The following FGB variants were observed in gnomAD, a reference collection of about 807,000 sequenced individuals.
FGB encodes the protein beta-fibrinogen.
FGB carries 25 observed loss-of-function variants against 57.9 expected under a neutral mutation model. The ratio of observed to expected loss-of-function variants is 0.43; its 90% CI spans 0.31 to 0.60. The LOEUF (loss-of-function observed/expected upper bound fraction) is 0.60. FGB is among the 20% of genes least tolerant of loss of function. FGB has a pLI of 0.08. For missense variants in FGB, 536 were observed against 598.4 expected, an observed-to-expected ratio of 0.90 and a Z score of 1.09; for synonymous variants, 203 against 199.2, an observed-to-expected ratio of 1.02 and a Z score of -0.16.
In FGB at chr4:154,566,517, T is replaced by C. The variant is rs779413540; in HGVS notation, c.335T>C (p.Leu112Ser). The change falls in exon 3 of 8, where the codon TTG becomes TCG. Residue 112 changes from leucine to serine, a missense_variant. This residue lies in a region of FGB where 354 missense variants were observed against 383.4 expected (regional missense o/e 0.92). Coordinates refer to ENST00000302068, the MANE Select transcript of FGB (RefSeq NM_005141.5). ...GTGTTGTGTCCTACAGGATGTCAGT[T>C]GCAAGAGGCTTTGCTACAACAGGAA... ...LGVLCPTGCQ[L>S]QEALLQQERP... is the part of the protein sequence containing the mutation. The C allele has an allele frequency of 3.1e-6, 5 of 1,614,170 alleles. No individual in the cohort carries two copies. The highest frequency in any genetic ancestry group is 1.6e-4 in the Middle Eastern group (1 of 6,062).
chr4:154,563,727 C>G (rs997473752), intron 1 of FGB, among the ~76,000 whole-genome samples: 5 of 151,754 alleles, frequency 3.3e-5, no homozygotes, highest in Non-Finnish European at 7.4e-5. Flanking sequence ...ACGGTTCAGT[C>G]TAATTTATTT....
At chr4:154,563,181 A>G in intron 1 of FGB, 49 bp downstream of exon 1, 1 of 777,914 alleles carries the variant, frequency 1.3e-6, no homozygotes, top group South Asian at 1.6e-5. Context: ...TATTAATATA[A>G]GATGTAACAT....
chr4:154,568,998 A>G (rs1432902647), intron 5 of FGB, among the ~76,000 whole-genome samples, 184 bp from the exon 6 acceptor site: 1 of 152,246 alleles, frequency 6.6e-6, no homozygotes, highest in African/African-American at 2.4e-5. Context: ...TTGGGGTAAG[A>G]TAAAGCACTT....
In FGB at chr4:154,571,705, A is replaced by G. The variant is rs943646608; in HGVS notation, c.*1055A>G. On this transcript the variant is annotated 3_prime_UTR_variant, in exon 8 of 8. Transcript: ENST00000302068. ...TTCATAGTTACACCAGAACTAAAGT[A>G]AAAGTGGTTTTTCTGTTCTTTCTAC... Among the ~76,000 whole-genome samples, 4 of 152,178 alleles carry G rather than the reference A, an allele frequency of 2.6e-5. No homozygotes were observed. The highest frequency in any genetic ancestry group is 5.9e-5 in the Non-Finnish European group (4 of 68,044).
chr4:154,565,600 A>G (rs1730121407), intron 1 of FGB: 3 of 588,336 alleles, frequency 5.1e-6, no homozygotes, highest in Admixed American at 3.0e-5. Context: ...ACTACACTGC[A>G]TCATAGCTTT....
rs1023711098 is a variant in FGB, at chr4:154,563,225, CA to C, written c.114+94del. The C allele has an allele frequency of 7.1e-5, 45 of 632,802 alleles. No homozygotes were observed. In the African/African-American group the frequency reaches 7.3e-4, roughly 10 times the overall value. 39.2% of individuals were successfully genotyped at this position (632,802 alleles called of 1,614,324 possible). A position where few individuals can be genotyped will look rare whatever the true frequency, so the allele number is the denominator to read the frequency against. On this transcript the variant is annotated intron_variant, in intron 1 of 7. Transcript: ENST00000302068. ...TATGTGCTTATTTTAATGAAATTAG[CA>C]TTGCTTATAGTTATGAAATGGAATT...
At chr4:154,564,757 T>G (rs557155947) in intron 1 of FGB, among the ~76,000 whole-genome samples, 1 of 144,414 alleles carries the variant, frequency 6.9e-6, no homozygotes, top group African/African-American at 2.5e-5. Context: ...GTATAGCTAC[T>G]GACAAAAAAA....
chr4:154,570,868 G>A lies in FGB; in HGVS notation c.*218G>A. 1.7e-6 allele frequency: 1 copy of A among 578,354 alleles called. No homozygotes were observed. Among genetic ancestry groups the A allele is most frequent in the Non-Finnish European group, 3.1e-6 (1 of 322,642 alleles). 35.8% of individuals were successfully genotyped at this position (578,354 alleles called of 1,614,324 possible). ...CTCACCAAGAAGTAACAAAAGTATAGTTTTGACAGAGTTGGTGTTCATAAT... is the reference window on the plus strand; with the variant it reads ...CTCACCAAGAAGTAACAAAAGTATAATTTTGACAGAGTTGGTGTTCATAAT... On this transcript the variant is annotated 3_prime_UTR_variant, in exon 8 of 8. Coordinates refer to ENST00000302068, the MANE Select transcript of FGB (RefSeq NM_005141.5).
rs1578782100 is a variant in FGB, at chr4:154,565,873, G to A, written c.180G>A (p.Arg60=). ...DKKREEAPSL[R]PAPPPISGGG... ...AGAGAGAAGAGGCTCCCAGCCTGAG[G>A]CCTGCCCCACCGCCCATCAGTGGAG... Residue 60 remains arginine, a synonymous_variant, in exon 2 of 8, where the codon AGG becomes AGA. Transcript: ENST00000302068. 6.2e-7 allele frequency: 1 copy of A among 1,614,158 alleles called. No homozygotes were observed. Among genetic ancestry groups the A allele is most frequent in the South Asian group, 1.1e-5 (1 of 91,078 alleles).
intron 1 of FGB, among the ~76,000 whole-genome samples, chr4:154,563,536 T>C (rs1578780607): frequency 1.3e-5 from 2 of 151,978 alleles, no homozygotes. Context: ...GGTAGGTAGA[T>C]TGTTCTTTGG....
In FGB at chr4:154,565,974, G is replaced by C; in HGVS notation, c.281G>C (p.Gly94Ala). Residue 94 changes from glycine (G) to alanine (A), a missense_variant, in exon 2 of 8, where the codon GGC (glycine) becomes GCC (alanine). Physicochemically the swap from Gly to Ala is moderately conservative, Grantham distance 60. Coordinates refer to ENST00000302068, the MANE Select transcript of FGB (RefSeq NM_005141.5). ...KVERKAPDAG[G>A]CLHADPDLGV... The stretch of plus-strand genomic sequence containing the variant: ...GAAAGAAAAGCCCCTGATGCTGGAG[G>C]CTGTCTTCACGCTGACCCAGACCTG... The C allele has an allele frequency of 6.2e-7, 1 of 1,613,684 alleles. No individual in the cohort carries two copies. Among genetic ancestry groups the C allele is most frequent in the Non-Finnish European group, 8.5e-7 (1 of 1,179,992 alleles).
chr4:154,570,607 G>A lies in FGB; in HGVS notation c.1433G>A (p.Arg478Lys), dbSNP rs4220. The A allele has an allele frequency of 0.17, 274,993 of 1,613,606 alleles. 24,434 individuals carry two copies. Among genetic ancestry groups the A allele is most frequent in the Middle Eastern group, 0.21 (1,290 of 6,060 alleles). The change falls in exon 8 of 8, where the codon AGG becomes AAG. Residue 478 changes from arginine (R) to lysine (K), a missense_variant. Arg to Lys is a conservative substitution (Grantham distance 26, BLOSUM62 2). Transcript: ENST00000302068. ...TGGAAGGGGTCATGGTACTCAATGA[G>A]GAAGATGAGTATGAAGATCAGGCCC... The part of the protein sequence containing the change: ...MNWKGSWYSM[R>K]KMSMKIRPFF...
chr4:154,569,493 T>C (rs747547899), intron 6 of FGB, 21 bp from the exon 7 acceptor site: 11 of 1,602,548 alleles, frequency 6.9e-6, no homozygotes, highest in East Asian at 2.2e-5. Context: ...TTGGTGAGAT[T>C]TTATTTTGTT....
Position 154,570,584 on chromosome 4 carries a change from G to A in FGB, c.1410G>A (p.Trp470Ter), listed in dbSNP as rs113985604. 6.2e-7 allele frequency: 1 copy of A among 1,614,138 alleles called. No homozygotes were observed. The highest frequency in any genetic ancestry group is 8.5e-7 in the Non-Finnish European group (1 of 1,180,024). The change falls in exon 8 of 8, where the codon TGG (tryptophan) becomes TGA (stop). Residue 470 changes from tryptophan (W) to a stop codon, truncating the protein, a stop_gained. Transcript: ENST00000302068. LOFTEE classifies it high-confidence loss of function. ...ATGATGGTGTAGTATGGATGAATTGGAAGGGGTCATGGTACTCAATGAGGA... is the reference window on the plus strand; with the variant it reads ...ATGATGGTGTAGTATGGATGAATTGAAAGGGGTCATGGTACTCAATGAGGA... Reference protein sequence around the residue: ...GTDDGVVWMNWKGSWYSMRKM... With the variant: ...GTDDGVVWMN
chr4:154,569,082 A>G, intron 5 of FGB, 100 bp from the exon 6 acceptor site: 1 of 1,306,410 alleles, frequency 7.7e-7, no homozygotes, highest in Non-Finnish European at 1.1e-6. Flanking sequence ...AGCACCAAAT[A>G]TATACTAAAT....
At chr4:154,564,130 A>G (rs1730057889) in intron 1 of FGB, among the ~76,000 whole-genome samples, 2 of 152,026 alleles carry the variant, frequency 1.3e-5, no homozygotes, top group South Asian at 4.1e-4. Flanking sequence ...ATTTTTGTAA[A>G]GTACTCTGCA....
intron 3 of FGB, 91 bp from the exon 4 acceptor site, chr4:154,567,502 T>C: frequency 2.5e-6 from 2 of 794,826 alleles, no homozygotes; most frequent in Non-Finnish European, 4.4e-6. Context: ...GTTTAATAGT[T>C]TATTCTCAGA....
In FGB at chr4:154,564,533, A is replaced by AG. The variant is rs1214368379; in HGVS notation, c.115-1273dup. Among the ~76,000 whole-genome samples, 6 of 152,230 alleles carry AG rather than the reference A, an allele frequency of 3.9e-5. No individual in the cohort carries two copies. In the East Asian group the frequency reaches 9.6e-4, roughly 24 times the overall value. On this transcript the variant is annotated intron_variant, in intron 1 of 7. Coordinates refer to ENST00000302068, the MANE Select transcript of FGB (RefSeq NM_005141.5). ...AATGTATATAGTCAACTGGTTAAAC[A>AG]GGAAAATCTGGAACCAGCCTGGCTG...
In FGB at chr4:154,572,175, ATT is replaced by A. The variant is rs1560819955; in HGVS notation, c.*1529_*1530del. 6.6e-6 allele frequency among the ~76,000 whole-genome samples: 1 copy of A among 152,108 alleles called. No individual in the cohort carries two copies. The highest frequency in any genetic ancestry group is 1.9e-4 in the East Asian group (1 of 5,196). ...TCCTGTTCCCTTCACTATAACCTAC[ATT>A]TTTGTCACATTAAGTTTTTCCCCAT... On this transcript the variant is annotated 3_prime_UTR_variant, in exon 8 of 8. Coordinates refer to ENST00000302068, the MANE Select transcript of FGB (RefSeq NM_005141.5).
Sources: allele counts gnomAD v4.1 joint callset (sites outside exome capture counted in the v4.1 genomes callset), GRCh38; gene constraint gnomAD v4.1.1; regional missense constraint gnomAD v4.1.1; transcripts MANE v1.5; gene names NCBI Gene and HGNC (gene_info 2026-07-23, HGNC 2026-07-21).